Variants in PCDHA8 observed in about 807,000 individuals in gnomAD.
PCDHA8 encodes protocadherin alpha-8.
In PCDHA8, 53 loss-of-function variants were observed where a neutral mutation model predicts 61.8. The observed-to-expected ratio is 0.86, with a 90% CI of 0.69 to 1.08. PCDHA8 has a LOEUF of 1.08. PCDHA8 is among the 50% of genes least tolerant of loss of function. The pLI, the probability that PCDHA8 is intolerant of heterozygous loss-of-function variation, is 0.00. For synonymous variants in PCDHA8, 618 were observed against 556.6 expected, an observed-to-expected ratio of 1.11 and a Z score of -1.55; for missense variants, 1,293 against 1,245.0, an observed-to-expected ratio of 1.04 and a Z score of -0.58.
intron 1 of PCDHA8, among the ~76,000 whole-genome samples, chr5:140,902,661 C>T (rs1554190552): frequency 6.6e-6 from 1 of 152,036 alleles, no homozygotes; most frequent in Non-Finnish European, 1.5e-5. Flanking sequence ...CACCTGTCAC[C>T]CAAGCAGTGT....
At chr5:140,979,129 A>T (rs1316213932) in intron 2 of PCDHA8, 122 bp downstream of exon 2, 1 of 1,477,514 alleles carries the variant, frequency 6.8e-7, no homozygotes, top group Non-Finnish European at 9.0e-7. Flanking sequence ...CTTTGCCAGG[A>T]AAATGCAATT....
At chr5:140,933,351 T>C (rs2089082227) in intron 1 of PCDHA8, among the ~76,000 whole-genome samples, 1 of 152,024 alleles carries the variant, frequency 6.6e-6, no homozygotes, top group South Asian at 2.1e-4. Flanking sequence ...AAACACTTTA[T>C]TTCTAACCCA....
intron 1 of PCDHA8, among the ~76,000 whole-genome samples, chr5:140,952,351 A>G (rs1217158530): frequency 8.3e-6 from 1 of 120,612 alleles, no homozygotes; most frequent in Non-Finnish European, 1.8e-5. Flanking sequence ...AAAAAAAAAA[A>G]AAAGAAAGAA....
intron 1 of PCDHA8, among the ~76,000 whole-genome samples, chr5:140,976,568 TA>T (rs2096723296): frequency 6.6e-6 from 1 of 152,050 alleles, no homozygotes; most frequent in Non-Finnish European, 1.5e-5. Context: ...AATAAATAAA[TA>T]TAAATAAAAC....
intron 1 of PCDHA8, among the ~76,000 whole-genome samples, chr5:140,971,248 A>G (rs552592175): frequency 6.6e-6 from 1 of 152,330 alleles, no homozygotes; most frequent in East Asian, 1.9e-4. Context: ...AATTTGATAC[A>G]TAAACTATTT....
intron 1 of PCDHA8, chr5:140,930,208 A>C (rs939593947): frequency 6.6e-6 from 1 of 152,220 alleles, no homozygotes; most frequent in African/African-American, 2.4e-5. Flanking sequence ...AGAAATATTT[A>C]TGTGTTCAAA....
intron 1 of PCDHA8, among the ~76,000 whole-genome samples, chr5:140,888,353 A>G (rs907810387): frequency 1.9e-4 from 29 of 152,220 alleles, no homozygotes; most frequent in African/African-American, 6.8e-4. Context: ...GGGAATTGCT[A>G]CTGGCATCTA....
rs1234618172 is a variant in PCDHA8 at position 140,843,113 on chromosome 5, G to A, written c.1792G>A (p.Asp598Asn). 1 of 1,595,750 alleles carries A rather than the reference G, an allele frequency of 6.3e-7. No homozygotes were observed. Among genetic ancestry groups the A allele is most frequent in the Admixed American group, 1.7e-5 (1 of 59,312 alleles). The change falls in exon 1 of 4, where the codon GAC (aspartate) becomes AAC (asparagine). Residue 598 changes from aspartate to asparagine, a missense_variant. Asp to Asn is a conservative substitution (Grantham distance 23). Transcript: ENST00000531613. ...CGTGGTAGCGAAGGTGCGCGCAGTG[G>A]ACGCCGACTCGGGCTACAACGCGTG... is the stretch of plus-strand genomic sequence containing the variant. ...GHVVAKVRAV[D>N]ADSGYNAWLS...
chr5:140,887,004 C>T (rs1341039143), intron 1 of PCDHA8, among the ~76,000 whole-genome samples: 1 of 152,066 alleles, frequency 6.6e-6, no homozygotes, highest in African/African-American at 2.4e-5. Flanking sequence ...GTTGGTATCA[C>T]TTTCCTACTG....
At chr5:140,860,679 T>A (rs1465789150) in intron 1 of PCDHA8, 1 of 152,238 alleles carries the variant, frequency 6.6e-6, no homozygotes, top group Non-Finnish European at 1.5e-5. Flanking sequence ...AATGCACTTA[T>A]GTTTTGAGCG....
chr5:140,864,378 T>C (rs1269675465), intron 1 of PCDHA8: 1 of 152,252 alleles, frequency 6.6e-6, no homozygotes, highest in Non-Finnish European at 1.5e-5. Context: ...ATCGATAAGT[T>C]TATCTCTCAC....
intron 1 of PCDHA8, among the ~76,000 whole-genome samples, chr5:140,890,818 A>G (rs1170693390): frequency 1.3e-5 from 2 of 152,204 alleles, no homozygotes; most frequent in African/African-American, 4.8e-5. Flanking sequence ...ATTGTTTTAA[A>G]TGTACTTACA....
chr5:140,947,249 C>T (rs1178030042), intron 1 of PCDHA8, among the ~76,000 whole-genome samples: 3 of 151,204 alleles, frequency 2.0e-5, no homozygotes, highest in African/African-American at 7.3e-5. Flanking sequence ...TAAGATAATC[C>T]AATGTACCAT....
intron 3 of PCDHA8, among the ~76,000 whole-genome samples, chr5:141,002,832 C>T (rs147080489): frequency 1.2e-4 from 18 of 152,242 alleles, no homozygotes; most frequent in Admixed American, 2.6e-4. Context: ...GTAAATGGCC[C>T]AGGACTATGC....
In PCDHA8 at chr5:140,843,026, C is replaced by T; in HGVS notation, c.1705C>T (p.Arg569Trp). ...NDNAPALLEP[R>W]VGGTGGAASK... ...CAACGCGCCGGCACTGCTGGAGCCT[C>T]GGGTGGGTGGCACTGGTGGCGCAGC... Residue 569 changes from arginine (R) to tryptophan (W), a missense_variant, in exon 1 of 4, where the codon CGG becomes TGG. Coordinates refer to ENST00000531613, the MANE Select transcript of PCDHA8 (RefSeq NM_018911.3). 2 of 1,595,146 alleles carry T rather than the reference C, an allele frequency of 1.3e-6. No individual in the cohort carries two copies. The highest frequency in any genetic ancestry group is 1.7e-6 in the Non-Finnish European group (2 of 1,165,418).
intron 1 of PCDHA8, chr5:140,875,549 T>G: frequency 1.2e-6 from 2 of 1,613,916 alleles, no homozygotes; most frequent in Non-Finnish European, 1.7e-6. Flanking sequence ...GCCTGGGAGG[T>G]GGGGAGCGGC....
At position 140,849,493 on chromosome 5, in the gene PCDHA8, A is replaced by G. The variant is rs2150439016; in HGVS notation, c.2394+5778A>G. ...AAAGGCTTCCCACCCCTGGCTGGTC[A>G]TTGTACACTTCTTGTGGAAGTTGTG... On this transcript the variant is annotated intron_variant, in intron 1 of 3. Transcript: ENST00000531613. 4.4e-6 allele frequency: 7 copies of G among 1,593,210 alleles called. 2 individuals are homozygous for G. Among genetic ancestry groups the G allele is most frequent in the Non-Finnish European group, 3.4e-6 (4 of 1,164,850 alleles).
In PCDHA8 at chr5:141,010,294, C is replaced by T. The variant is rs545906858; in HGVS notation, c.*357C>T. ...TCCTGTCTTGATGACACTTGCAGGG[C>T]AGGCTGAAAAGTTTTGAGATTGAGC... On this transcript the variant is annotated 3_prime_UTR_variant, in exon 4 of 4. Coordinates refer to ENST00000531613, the MANE Select transcript of PCDHA8 (RefSeq NM_018911.3). 3.2e-6 allele frequency: 5 copies of T among 1,549,782 alleles called. No homozygotes were observed. Among genetic ancestry groups the T allele is most frequent in the Non-Finnish European group, 4.4e-6 (5 of 1,146,446 alleles).
chr5:140,924,036 C>A (rs2081633869), intron 1 of PCDHA8, among the ~76,000 whole-genome samples: 1 of 152,162 alleles, frequency 6.6e-6, no homozygotes, highest in African/African-American at 2.4e-5. Context: ...TGGCTGCAGA[C>A]CTAAAAGTTC....
Sources: gnomAD v4.1 joint callset for allele counts (sites outside exome capture counted in the v4.1 genomes callset) on GRCh38, gnomAD v4.1.1 for gene constraint, MANE v1.5 for transcripts, NCBI Gene and HGNC (gene_info 2026-07-23, HGNC 2026-07-21) for gene names.